KAZN: variants seen among roughly 807,000 people sequenced by gnomAD.
The protein encoded by KAZN is kazrin, periplakin interacting protein, also known as kazrin.
KAZN carries 40 observed loss-of-function variants against 87.4 expected under a neutral mutation model. The ratio of observed to expected loss-of-function variants is 0.46; its 90% confidence interval spans 0.36 to 0.60. KAZN has a LOEUF of 0.60. KAZN is among the 20% of genes least tolerant of loss of function. The pLI, the probability that KAZN is intolerant of heterozygous loss-of-function variation, is 0.00. For synonymous variants in KAZN, 466 were observed against 458.3 expected (o/e 1.02, Z -0.22); for missense variants, 898 against 1,073.9 (o/e 0.84, Z 2.29).
chr1:14,203,991 A>T (rs893398316), intron 2 of KAZN, among the ~76,000 whole-genome samples: 1 of 152,242 alleles, frequency 6.6e-6, no homozygotes, highest in African/African-American at 2.4e-5. Flanking sequence ...CAGAGAGTGG[A>T]ATAGAAATCA....
At chr1:14,032,918 G>C (rs567676784) in intron 1 of KAZN, among the ~76,000 whole-genome samples, 1 of 152,134 alleles carries the variant, frequency 6.6e-6, no homozygotes, top group Non-Finnish European at 1.5e-5. Context: ...GATGATGGCA[G>C]TGTGAGTCCA....
chr1:14,850,929 G>A (rs995848561), intron 1 of KAZN, among the ~76,000 whole-genome samples: 4 of 152,212 alleles, frequency 2.6e-5, no homozygotes, highest in African/African-American at 9.6e-5. Flanking sequence ...CATTTGGGGT[G>A]TGGTTCCGAG....
intron 2 of KAZN, among the ~76,000 whole-genome samples, chr1:14,420,916 ACACCTCCCCG>A (rs1337416159): frequency 1.3e-5 from 2 of 150,494 alleles, no homozygotes; most frequent in East Asian, 3.9e-4. Context: ...CCTCCCCTCC[ACACCTCCCCG>A]CAAGCAGAGG....
intron 1 of KAZN, among the ~76,000 whole-genome samples, chr1:14,898,086 C>T (rs1325498302): frequency 6.6e-6 from 1 of 152,046 alleles, no homozygotes; most frequent in African/African-American, 2.4e-5. Context: ...TAAATGGTAC[C>T]CGGGGGTGAG....
At chr1:14,039,189 G>C (rs908487350) in intron 1 of KAZN, among the ~76,000 whole-genome samples, 1 of 144,260 alleles carries the variant, frequency 6.9e-6, no homozygotes, top group Non-Finnish European at 1.5e-5. Flanking sequence ...AAAAAAAAAA[G>C]TAGGAATTAA....
intron 1 of KAZN, among the ~76,000 whole-genome samples, chr1:14,708,528 T>C (rs1321130111): frequency 6.6e-6 from 1 of 152,236 alleles, no homozygotes; most frequent in African/African-American, 2.4e-5. Flanking sequence ...TTCCTAACTG[T>C]GCCAAGTATT....
At chr1:14,253,978 T>C (rs989113901) in intron 2 of KAZN, among the ~76,000 whole-genome samples, 1 of 146,444 alleles carries the variant, frequency 6.8e-6, no homozygotes, top group Non-Finnish European at 1.5e-5. Context: ...TGGGGGTGCA[T>C]GCATTTTTGG....
At chr1:14,910,544 A>C (rs1193113030) in intron 1 of KAZN, among the ~76,000 whole-genome samples, 1 of 152,186 alleles carries the variant, frequency 6.6e-6, no homozygotes, top group African/African-American at 2.4e-5. Flanking sequence ...AGATATGCCA[A>C]ATGTTTCCTA....
At chr1:14,751,194 G>A (rs1232515712) in intron 1 of KAZN, among the ~76,000 whole-genome samples, 3 of 152,042 alleles carry the variant, frequency 2.0e-5, no homozygotes, top group Non-Finnish European at 2.9e-5. Flanking sequence ...AAGGATGATC[G>A]CCATTAACAC....
intron 1 of KAZN, among the ~76,000 whole-genome samples, chr1:13,967,737 C>A (rs981754024): frequency 1.3e-5 from 2 of 152,186 alleles, no homozygotes; most frequent in African/African-American, 4.8e-5. Context: ...TCACCCAGCC[C>A]GCCAAGCCTT....
intron 1 of KAZN, among the ~76,000 whole-genome samples, chr1:14,908,499 G>A (rs565353228): frequency 3.3e-5 from 5 of 152,064 alleles, no homozygotes; most frequent in South Asian, 4.2e-4. Flanking sequence ...CTGAGATCAC[G>A]CCACTGCACT....
At chr1:14,627,806 G>T (rs893181922) in intron 1 of KAZN, among the ~76,000 whole-genome samples, 1 of 152,196 alleles carries the variant, frequency 6.6e-6, no homozygotes, top group Non-Finnish European at 1.5e-5. Context: ...ACCTAGGCCT[G>T]ATTTGCATTG....
intron 2 of KAZN, among the ~76,000 whole-genome samples, chr1:14,441,357 C>T (rs34210633): frequency 0.3 from 45,887 of 151,804 alleles, 8,270 homozygotes; most frequent in Middle Eastern, 0.45. Context: ...GTATGTTGTT[C>T]CGGGCAGCAG....
intron 2 of KAZN, among the ~76,000 whole-genome samples, chr1:14,456,124 G>A (rs911563634): frequency 9.8e-5 from 15 of 152,292 alleles, no homozygotes; most frequent in African/African-American, 3.4e-4. Flanking sequence ...TTATATAAAT[G>A]TGCACCTTCG....
At chr1:14,354,943 C>T (rs1658885799) in intron 2 of KAZN, among the ~76,000 whole-genome samples, 1 of 151,938 alleles carries the variant, frequency 6.6e-6, no homozygotes, top group South Asian at 2.1e-4. Flanking sequence ...TTGTTAACAA[C>T]ATAGATCTTC....
chr1:14,155,077 C>A (rs1237009069), intron 1 of KAZN, among the ~76,000 whole-genome samples: 1 of 151,698 alleles, frequency 6.6e-6, no homozygotes, highest in Admixed American at 6.6e-5. Flanking sequence ...ATTCCCTCTT[C>A]CTCTAGGTTT....
At chr1:14,197,204 C>T (rs753540833) in intron 2 of KAZN, among the ~76,000 whole-genome samples, 7 of 151,740 alleles carry the variant, frequency 4.6e-5, no homozygotes, top group Non-Finnish European at 8.8e-5. Context: ...TTAAGAGAAA[C>T]GGGGATTTTT....
intron 1 of KAZN, among the ~76,000 whole-genome samples, chr1:14,762,085 C>T (rs1223690472): frequency 6.6e-6 from 1 of 152,158 alleles, no homozygotes; most frequent in Admixed American, 6.5e-5. Context: ...GCAAAGCAAG[C>T]TCTGTGTCCT....
intron 2 of KAZN, among the ~76,000 whole-genome samples, chr1:14,238,793 C>T (rs144230126): frequency 2.6e-5 from 4 of 152,356 alleles, no homozygotes; most frequent in African/African-American, 4.8e-5. Flanking sequence ...CACGGCATCA[C>T]ACACAGCACT....
Sources: allele counts gnomAD v4.1 joint callset (sites outside exome capture counted in the v4.1 genomes callset), GRCh38; gene constraint gnomAD v4.1.1; transcripts MANE v1.5; gene names NCBI Gene and HGNC (gene_info 2026-07-23, HGNC 2026-07-21).